Variants in XRN2 observed in about 807,000 individuals in gnomAD.
XRN2 encodes 5'-3' exoribonuclease 2.
In XRN2, 44 loss-of-function variants were observed where a neutral mutation model predicts 138.5. That is an observed-to-expected ratio of 0.32 (90% CI 0.25 to 0.41). The LOEUF (loss-of-function observed/expected upper bound fraction) is 0.41, where lower values mean the gene tolerates loss of function less well. XRN2 is among the 10% of genes least tolerant of loss of function. XRN2 has a pLI of 1.00. For missense variants in XRN2, 937 were observed against 1,169.3 expected (o/e 0.80, Z 2.90); for synonymous variants, 354 against 369.4 (o/e 0.96, Z 0.48).
At chr20:21,313,394 A>G (rs1040704944) in intron 1 of XRN2, among the ~76,000 whole-genome samples, 9 of 152,350 alleles carry the variant, frequency 5.9e-5, no homozygotes, top group Middle Eastern at 3.4e-3. Context: ...CATGTCCACA[A>G]ATGACTGCGA....
chr20:21,330,797 G>A, intron 6 of XRN2, 92 bp downstream of exon 6: 1 of 1,224,914 alleles, frequency 8.2e-7, no homozygotes, highest in Non-Finnish European at 1.1e-6. Context: ...CTTCTGCCCT[G>A]CCCCATAAAA....
intron 1 of XRN2, among the ~76,000 whole-genome samples, chr20:21,321,301 CTGTGTGTGTGTGTGTGTGTGTG>C (rs61188840): frequency 1.1e-4 from 13 of 121,512 alleles, no homozygotes; most frequent in East Asian, 2.5e-4. Flanking sequence ...CTGTGCCTGG[CTGTGTGTGTGTGTGTGTGTGTG>C]TGTGTGTGTG....
At chr20:21,303,595 G>C (rs1485828007) in intron 1 of XRN2, 122 bp downstream of exon 1, 1 of 1,386,104 alleles carries the variant, frequency 7.2e-7, no homozygotes, top group Non-Finnish European at 9.3e-7. Context: ...CCTGCTGCCA[G>C]CCTCGCGAGC....
intron 16 of XRN2, among the ~76,000 whole-genome samples, chr20:21,346,108 AAGT>A (rs911013880): frequency 5.9e-5 from 9 of 152,190 alleles, no homozygotes; most frequent in Admixed American, 5.9e-4. Flanking sequence ...GAAACATATA[AAGT>A]AGTATTAAAA....
At chr20:21,322,181 A>G (rs2038055565) in intron 1 of XRN2, among the ~76,000 whole-genome samples, 2 of 152,240 alleles carry the variant, frequency 1.3e-5, no homozygotes, top group South Asian at 4.1e-4. Context: ...CCCTTGTAAC[A>G]GTGCTTATCA....
intron 15 of XRN2, among the ~76,000 whole-genome samples, chr20:21,342,153 CA>C (rs1294013596): frequency 6.6e-6 from 1 of 152,058 alleles, no homozygotes; most frequent in African/African-American, 2.4e-5. Flanking sequence ...ATTTTGAAGT[CA>C]AATTACCAGT....
chr20:21,321,309 G>C (rs915018224), intron 1 of XRN2, among the ~76,000 whole-genome samples: 44 of 111,336 alleles, frequency 4.0e-4, no homozygotes, highest in African/African-American at 1.0e-3. Context: ...GGCTGTGTGT[G>C]TGTGTGTGTG....
intron 27 of XRN2, among the ~76,000 whole-genome samples, chr20:21,381,737 CACACA>C (rs2038886966): frequency 7.9e-6 from 1 of 127,194 alleles, no homozygotes; most frequent in African/African-American, 3.0e-5. Context: ...CACACACACA[CACACA>C]GGATTATGTG....
chr20:21,346,302 CTTTCACA>C, intron 16 of XRN2, 106 bp from the exon 17 acceptor site: 1 of 1,364,218 alleles, frequency 7.3e-7, no homozygotes, highest in South Asian at 1.4e-5. Flanking sequence ...CTGTTTAACT[CTTTCACA>C]TTTCCCCTGG....
rs1568575087 is a variant in XRN2 at position 21,331,608 on chromosome 20, C to T, written c.624C>T (p.Ile208=). Residue 208 remains isoleucine, a synonymous_variant, in exon 7 of 30, where the codon ATC becomes ATT. Coordinates refer to ENST00000377191, the MANE Select transcript of XRN2 (RefSeq NM_012255.5). ...ASAPGEGEHK[I]MDYIRRQRAQ... ...CTCCTGGTGAAGGAGAACATAAAATCATGGATTACATTAGAAGGCAAAGAG... is the reference window on the plus strand; with the variant it reads ...CTCCTGGTGAAGGAGAACATAAAATTATGGATTACATTAGAAGGCAAAGAG... The T allele has an allele frequency of 6.2e-7, 1 of 1,612,682 alleles. No homozygotes were observed. The highest frequency in any genetic ancestry group is 8.5e-7 in the Non-Finnish European group (1 of 1,179,762).
intron 24 of XRN2, among the ~76,000 whole-genome samples, chr20:21,361,483 T>A (rs1050438125): frequency 6.6e-5 from 10 of 152,194 alleles, no homozygotes; most frequent in African/African-American, 2.4e-4. Context: ...GATGAAGCAA[T>A]ACGAATCTAA....
At chr20:21,305,254 A>T (rs2037799714) in intron 1 of XRN2, among the ~76,000 whole-genome samples, 2 of 151,740 alleles carry the variant, frequency 1.3e-5, no homozygotes, top group Non-Finnish European at 2.9e-5. Flanking sequence ...TCATCATCTT[A>T]CTTCATTTGT....
intron 24 of XRN2, among the ~76,000 whole-genome samples, chr20:21,359,403 G>T (rs563250106): frequency 3.3e-5 from 5 of 151,788 alleles, no homozygotes; most frequent in African/African-American, 1.2e-4. Flanking sequence ...GGGCATGGTG[G>T]TGCATGCCTA....
intron 1 of XRN2, among the ~76,000 whole-genome samples, chr20:21,311,003 T>C (rs202827): frequency 0.82 from 124,683 of 152,076 alleles, 52,490 homozygotes; most frequent in South Asian, 0.93. Context: ...TGCCCGCCTC[T>C]GCCTCCCAGA....
chr20:21,360,495 A>C (rs186200598), intron 24 of XRN2, among the ~76,000 whole-genome samples: 1 of 151,112 alleles, frequency 6.6e-6, no homozygotes. Context: ...GCAGAGTTCT[A>C]AACCCATATT....
At chr20:21,370,903 A>C (rs2038754441) in intron 27 of XRN2, among the ~76,000 whole-genome samples, 1 of 152,208 alleles carries the variant, frequency 6.6e-6, no homozygotes. Flanking sequence ...GTCTTCATGA[A>C]GGCTTTGTTT....
chr20:21,356,518 T>A (rs1209190547), intron 22 of XRN2, 68 bp from the exon 23 acceptor site: 25 of 1,440,672 alleles, frequency 1.7e-5, no homozygotes, highest in Non-Finnish European at 2.3e-5. Context: ...CTATGAACAC[T>A]CAAGAATCTG....
intron 27 of XRN2, among the ~76,000 whole-genome samples, chr20:21,380,558 G>C (rs2038872642): frequency 1.3e-5 from 2 of 152,156 alleles, no homozygotes; most frequent in African/African-American, 4.8e-5. Context: ...GTCTTCCTCT[G>C]TTTTCTGTGG....
intron 1 of XRN2, among the ~76,000 whole-genome samples, chr20:21,320,416 C>T (rs2038023055): frequency 6.6e-6 from 1 of 151,966 alleles, no homozygotes; most frequent in African/African-American, 2.4e-5. Flanking sequence ...TCTCCTGCCT[C>T]AGCCTCCTGA....
Sources: gnomAD v4.1 joint callset for allele counts (sites outside exome capture counted in the v4.1 genomes callset) on GRCh38, gnomAD v4.1.1 for gene constraint, MANE v1.5 for transcripts, NCBI Gene and HGNC (gene_info 2026-07-23, HGNC 2026-07-21) for gene names.